INPP4B: variants seen among roughly 807,000 people sequenced by gnomAD.
INPP4B encodes inositol polyphosphate 4-phosphatase type II.
In INPP4B, 55 loss-of-function variants were observed where a neutral mutation model predicts 122.5. The ratio of observed to expected loss-of-function variants is 0.45; its 90% CI spans 0.36 to 0.56. INPP4B has a LOEUF of 0.56. Ranked by LOEUF, INPP4B falls within the 20% of genes least tolerant of loss-of-function variation. INPP4B has a pLI of 0.00. For synonymous variants in INPP4B, 403 were observed against 388.7 expected (o/e 1.04, Z -0.43); for missense variants, 1,000 against 1,097.7 (o/e 0.91, Z 1.26).
intron 2 of INPP4B, among the ~76,000 whole-genome samples, chr4:142,609,442 G>A: frequency 6.6e-6 from 1 of 151,818 alleles, no homozygotes; most frequent in East Asian, 1.9e-4. Context: ...AAAAAAAAAA[G>A]TTATCTCTCC....
intron 2 of INPP4B, among the ~76,000 whole-genome samples, chr4:142,720,855 A>G (rs766137885): frequency 8.6e-6 from 1 of 116,022 alleles, no homozygotes; most frequent in Non-Finnish European, 1.8e-5. Context: ...ATTTTTTGAG[A>G]CAGGGTCTTA....
chr4:142,143,846 G>A (rs1044234740), intron 18 of INPP4B, among the ~76,000 whole-genome samples: 1 of 151,862 alleles, frequency 6.6e-6, no homozygotes, highest in Non-Finnish European at 1.5e-5. Flanking sequence ...ATTATAATAC[G>A]CGTTCTGGAG....
At chr4:142,473,081 A>T (rs1042318345) in intron 2 of INPP4B, among the ~76,000 whole-genome samples, 1 of 152,226 alleles carries the variant, frequency 6.6e-6, no homozygotes, top group Admixed American at 6.5e-5. Flanking sequence ...TCTAATAAAG[A>T]TTAGATCCCT....
chr4:142,772,175 C>T (rs549689085), intron 1 of INPP4B, among the ~76,000 whole-genome samples: 3 of 152,180 alleles, frequency 2.0e-5, no homozygotes, highest in East Asian at 1.9e-4. Flanking sequence ...GGTTTTGAAA[C>T]GATCTTAATA....
At chr4:142,373,165 C>A (rs1219675555) in intron 7 of INPP4B, among the ~76,000 whole-genome samples, 1 of 151,954 alleles carries the variant, frequency 6.6e-6, no homozygotes, top group African/African-American at 2.4e-5. Context: ...GATTGAAGAG[C>A]CAAGTCCTGT....
chr4:142,425,841 G>C (rs1446518222), intron 5 of INPP4B, among the ~76,000 whole-genome samples: 1 of 151,846 alleles, frequency 6.6e-6, no homozygotes, highest in Non-Finnish European at 1.5e-5. Context: ...TAAATGACCT[G>C]TGCTTATTAA....
intron 2 of INPP4B, among the ~76,000 whole-genome samples, chr4:142,667,136 C>G (rs1756228932): frequency 6.6e-6 from 1 of 152,186 alleles, no homozygotes; most frequent in Admixed American, 6.5e-5. Context: ...ATGAGGGCAT[C>G]AGTAAAACTT....
chr4:142,103,082 A>G (rs1159021306), intron 23 of INPP4B, among the ~76,000 whole-genome samples: 3 of 152,040 alleles, frequency 2.0e-5, no homozygotes, highest in Non-Finnish European at 4.4e-5. Context: ...ATGTGATTTC[A>G]GTCCATGCTT....
chr4:142,373,396 C>A (rs573936523), intron 7 of INPP4B, among the ~76,000 whole-genome samples: 2 of 152,054 alleles, frequency 1.3e-5, no homozygotes, highest in South Asian at 4.2e-4. Context: ...ACACTCCTTG[C>A]AAAATATAAT....
chr4:142,419,429 G>A (rs923982465), intron 5 of INPP4B, among the ~76,000 whole-genome samples: 13 of 152,068 alleles, frequency 8.5e-5, no homozygotes, highest in South Asian at 4.1e-4. Context: ...GGGAATACCC[G>A]TATGCTCAAA....
At chr4:142,038,881 A>T (rs560866943) in intron 25 of INPP4B, among the ~76,000 whole-genome samples, 7 of 152,292 alleles carry the variant, frequency 4.6e-5, no homozygotes, top group African/African-American at 1.7e-4. Flanking sequence ...TACTGCAAGC[A>T]GTCGTACTGG....
chr4:142,243,568 C>T (rs1054401021), intron 11 of INPP4B, among the ~76,000 whole-genome samples: 1 of 152,142 alleles, frequency 6.6e-6, no homozygotes, highest in Non-Finnish European at 1.5e-5. Context: ...CTTACAAACA[C>T]TGAGGCAACA....
chr4:142,798,275 AAAC>A (rs1306276674), intron 1 of INPP4B, among the ~76,000 whole-genome samples: 1 of 151,934 alleles, frequency 6.6e-6, no homozygotes, highest in Non-Finnish European at 1.5e-5. Context: ...GAGTACAAGA[AAAC>A]AACACTACTC....
At chr4:142,740,547 A>T (rs1767754762) in intron 1 of INPP4B, among the ~76,000 whole-genome samples, 1 of 152,060 alleles carries the variant, frequency 6.6e-6, no homozygotes, top group South Asian at 2.1e-4. Flanking sequence ...TTATGGGTAC[A>T]TTGGTGGTGT....
At chr4:142,564,221 G>T (rs1014594925) in intron 2 of INPP4B, among the ~76,000 whole-genome samples, 8 of 152,122 alleles carry the variant, frequency 5.3e-5, no homozygotes, top group Non-Finnish European at 1.2e-4. Context: ...GGTGTGTAAT[G>T]TGAGGCTTGC....
At chr4:142,621,118 T>C (rs1295952659) in intron 2 of INPP4B, among the ~76,000 whole-genome samples, 1 of 151,898 alleles carries the variant, frequency 6.6e-6, no homozygotes, top group Non-Finnish European at 1.5e-5. Context: ...TTTTAGCCCC[T>C]TTGTCTATTA....
chr4:142,606,183 G>A (rs2150318123), intron 2 of INPP4B, among the ~76,000 whole-genome samples: 1 of 151,896 alleles, frequency 6.6e-6, no homozygotes, highest in Admixed American at 6.6e-5. Flanking sequence ...TCCTTTGTGG[G>A]CACTAAAAAA....
At chr4:142,453,240 A>G (rs1296078888) in intron 3 of INPP4B, among the ~76,000 whole-genome samples, 2 of 152,210 alleles carry the variant, frequency 1.3e-5, no homozygotes, top group Non-Finnish European at 2.9e-5. Context: ...CCTTATGCAC[A>G]CAGCCATACA....
chr4:142,403,324 C>A (rs918952582), intron 6 of INPP4B, among the ~76,000 whole-genome samples: 11 of 152,076 alleles, frequency 7.2e-5, no homozygotes, highest in African/African-American at 2.4e-4. Context: ...TCTACAGAAC[C>A]CTTCTTTAGG....
Sources: allele counts gnomAD v4.1 joint callset (sites outside exome capture counted in the v4.1 genomes callset), GRCh38; gene constraint gnomAD v4.1.1; transcripts MANE v1.5; gene names NCBI Gene and HGNC (gene_info 2026-07-23, HGNC 2026-07-21).